The following C5AR1 variants were observed in gnomAD, a reference collection of about 807,000 sequenced individuals.
C5AR1 encodes the protein complement C5a receptor 1, also known as C5a anaphylatoxin chemotactic receptor 1.
C5AR1 carries 4 observed loss-of-function variants against 2.4 expected under a neutral mutation model. That is an observed-to-expected ratio of 1.65 (90% CI 0.81 to 3.77). C5AR1 has a LOEUF of 3.77. Among genes scored for constraint, C5AR1 ranks in the 30% most tolerant of loss-of-function variants. The pLI, the probability that C5AR1 is intolerant of heterozygous loss-of-function variation, is 0.01. For synonymous variants in C5AR1, 209 were observed against 210.4 expected (o/e 0.99, Z 0.06); for missense variants, 418 against 462.5 (o/e 0.90, Z 0.88).
rs200632701 is a variant in C5AR1, at chr19:47,321,734, C to T, written c.*904C>T. On this transcript the variant is annotated 3_prime_UTR_variant, in exon 2 of 2. Transcript: ENST00000355085. The stretch of plus-strand genomic sequence containing the variant: ...CTCAACACAATTGTAAGTAATGATA[C>T]AGAGGGATCTTGTGTACCCTTCACC... The T allele has an allele frequency of 1.3e-5, 2 of 152,166 alleles. No individual in the cohort carries two copies. The highest frequency in any genetic ancestry group is 2.9e-5 in the Non-Finnish European group (2 of 68,040). 9.4% of individuals were successfully genotyped at this position (152,166 alleles called of 1,614,324 possible).
intron 1 of C5AR1, among the ~76,000 whole-genome samples, chr19:47,317,507 C>CAAAAAAA (rs5828299): frequency 8.7e-6 from 1 of 115,214 alleles, no homozygotes; most frequent in African/African-American, 3.6e-5. Flanking sequence ...GACTCAGTCT[C>CAAAAAAA]AAAAAAAAAA....
rs2122145222 is a variant in C5AR1 at position 47,320,920 on chromosome 19, T to C, written c.*90T>C. 3 of 1,185,672 alleles carry C rather than the reference T, an allele frequency of 2.5e-6. No homozygotes were observed. Among genetic ancestry groups the C allele is most frequent in the Non-Finnish European group, 3.5e-6 (3 of 850,384 alleles). 73.4% of individuals were successfully genotyped at this position (1,185,672 alleles called of 1,614,324 possible). A position where few individuals can be genotyped will look rare whatever the true frequency, so the allele number is the denominator to read the frequency against. ...TTTCACTTCACTTTTCGTGGGATGG[T>C]GTTACCTTAGCTAACTAACTCTCCT... On this transcript the variant is annotated 3_prime_UTR_variant, in exon 2 of 2. Coordinates refer to ENST00000355085, the MANE Select transcript of C5AR1 (RefSeq NM_001736.4). The surrounding 1 kb of genome is among the most constrained non-coding windows in gnomAD (Gnocchi z 4.9).
intron 1 of C5AR1, among the ~76,000 whole-genome samples, chr19:47,312,764 G>T (rs1439398037): frequency 6.6e-6 from 1 of 151,906 alleles, no homozygotes; most frequent in Non-Finnish European, 1.5e-5. Flanking sequence ...TCTAGACAGG[G>T]TCTACTGAGG....
intron 1 of C5AR1, among the ~76,000 whole-genome samples, chr19:47,314,194 T>C (rs2059279156): frequency 1.3e-5 from 2 of 152,098 alleles, no homozygotes; most frequent in Admixed American, 1.3e-4. Flanking sequence ...GGAAGAATAA[T>C]AGTACCCTGC....
chr19:47,307,546 C>T (rs185540441), upstream of C5AR1: 118 of 152,272 alleles, frequency 7.7e-4, 1 homozygote, highest in Admixed American at 6.1e-3. Context: ...TGGGGTTTTG[C>T]CATGTTGGCC....
chr19:47,311,755 G>A (rs1174725625), intron 1 of C5AR1, among the ~76,000 whole-genome samples: 1 of 151,940 alleles, frequency 6.6e-6, no homozygotes, highest in East Asian at 2.0e-4. Flanking sequence ...TAGTAGAGAC[G>A]GAGTTTCACC....
intron 1 of C5AR1, among the ~76,000 whole-genome samples, chr19:47,313,090 C>G (rs1263928576): frequency 6.6e-6 from 1 of 152,150 alleles, no homozygotes. Flanking sequence ...TCTCCTGCCT[C>G]GGCCTCCCAA....
At chr19:47,311,663 C>T (rs2059271146) in intron 1 of C5AR1, among the ~76,000 whole-genome samples, 1 of 152,146 alleles carries the variant, frequency 6.6e-6, no homozygotes, top group South Asian at 2.1e-4. Context: ...CTCGCGGCTT[C>T]AAGCAATTCT....
At position 47,319,801 on chromosome 19, in the gene C5AR1, C is replaced by T. The variant is rs765672119; in HGVS notation, c.24C>T (p.Thr8=). Residue 8 remains threonine (T), a synonymous_variant, in exon 2 of 2, where the codon ACC becomes ACT. Transcript: ENST00000355085. Reference sequence around the variant, plus strand: ...CTTAGGACTCCTTCAATTATACCACCCCTGATTATGGGCACTATGATGACA... The same window carrying T: ...CTTAGGACTCCTTCAATTATACCACTCCTGATTATGGGCACTATGATGACA... The part of the protein sequence containing the change: MDSFNYT[T]PDYGHYDDKD... 1.2e-6 allele frequency: 2 copies of T among 1,611,210 alleles called. No homozygotes were observed. The highest frequency in any genetic ancestry group is 1.1e-5 in the South Asian group (1 of 90,966).
intron 1 of C5AR1, chr19:47,316,724 C>T (rs562451242): frequency 6.6e-6 from 1 of 152,176 alleles, no homozygotes; most frequent in East Asian, 1.9e-4. Flanking sequence ...AGTAATATTC[C>T]ACCACGTGGC....
rs1599733220 is a variant in C5AR1, at chr19:47,320,987, G to A, written c.*157G>A. 7.7e-5 allele frequency: 49 copies of A among 640,030 alleles called. No homozygotes were observed. The South Asian group carries it at 9.6e-4, about 13-fold the overall frequency. 39.6% of individuals were successfully genotyped at this position (640,030 alleles called of 1,614,324 possible). On this transcript the variant is annotated 3_prime_UTR_variant, in exon 2 of 2. Transcript: ENST00000355085. The surrounding 1 kb of genome is among the most constrained non-coding windows in gnomAD (Gnocchi z 4.9). ...TCCCAGACTTGTCCCTCCTTTTCCAGCGGGACTCTTCTCATCCTTCCTCAT... is the reference window on the plus strand; with the variant it reads ...TCCCAGACTTGTCCCTCCTTTTCCAACGGGACTCTTCTCATCCTTCCTCAT...
intron 1 of C5AR1, among the ~76,000 whole-genome samples, chr19:47,318,686 G>A (rs757653141): frequency 1.2e-4 from 18 of 152,038 alleles, no homozygotes; most frequent in Non-Finnish European, 2.2e-4. Flanking sequence ...TGCTCAGTAA[G>A]TACTGGCTGC....
intron 1 of C5AR1, among the ~76,000 whole-genome samples, chr19:47,311,819 G>A (rs2059271872): frequency 6.6e-6 from 1 of 151,944 alleles, no homozygotes; most frequent in African/African-American, 2.4e-5. Context: ...ACCCACATTG[G>A]TCTCCCAAAG....
At position 47,319,795 on chromosome 19, in the gene C5AR1, T is replaced by C. The variant is rs1360814808; in HGVS notation, c.18T>C (p.Tyr6=). MDSFN[Y]TTPDYGHYDD... ...ATTCCCCTTAGGACTCCTTCAATTA[T>C]ACCACCCCTGATTATGGGCACTATG... The change falls in exon 2 of 2, where the codon TAT becomes TAC. Residue 6 remains tyrosine, a synonymous_variant. Transcript: ENST00000355085. 14 of 1,609,822 alleles carry C rather than the reference T, an allele frequency of 8.7e-6. No homozygotes were observed. Among genetic ancestry groups the C allele is most frequent in the Non-Finnish European group, 1.2e-5 (14 of 1,176,400 alleles).
At chr19:47,317,278 C>A (rs11083872) in intron 1 of C5AR1, among the ~76,000 whole-genome samples, 1 of 151,500 alleles carries the variant, frequency 6.6e-6, no homozygotes, top group Non-Finnish European at 1.5e-5. Flanking sequence ...AGACCAAGGC[C>A]GGAGGATTGC....
upstream of C5AR1, among the ~76,000 whole-genome samples, chr19:47,308,780 G>GT (rs35218039): frequency 1.4e-3 from 197 of 139,572 alleles, 1 homozygote; most frequent in Middle Eastern, 3.8e-3. Flanking sequence ...GGTGACGATG[G>GT]TTTTTTTTTT....
intron 1 of C5AR1, among the ~76,000 whole-genome samples, chr19:47,314,172 C>T (rs2059279097): frequency 6.6e-6 from 1 of 152,126 alleles, no homozygotes; most frequent in Non-Finnish European, 1.5e-5. Context: ...CTCTAATGAG[C>T]ATGTGAATTT....
At chr19:47,308,732 T>C (rs1275350931), upstream of C5AR1, among the ~76,000 whole-genome samples, 2 of 151,842 alleles carry the variant, frequency 1.3e-5, no homozygotes, top group African/African-American at 4.8e-5. Context: ...ATTTTTGTAT[T>C]TTTAGTAGAG....
At chr19:47,310,473 C>T (rs2059266346) in intron 1 of C5AR1, among the ~76,000 whole-genome samples, 1 of 152,134 alleles carries the variant, frequency 6.6e-6, no homozygotes, top group Admixed American at 6.6e-5. Context: ...TCAAGTTACT[C>T]AGATGCTCTT....
Sources: gnomAD v4.1 joint callset for allele counts (sites outside exome capture counted in the v4.1 genomes callset) on GRCh38, gnomAD v4.1.1 for gene constraint, Gnocchi (gnomAD v3.1) non-coding constraint, MANE v1.5 for transcripts, NCBI Gene and HGNC (gene_info 2026-07-23, HGNC 2026-07-21) for gene names.